Variants in HECTD4 observed in about 807,000 individuals in gnomAD.
HECTD4 encodes the protein probable E3 ubiquitin-protein ligase HECTD4.
A neutral mutation model predicts 471.5 loss-of-function variants in HECTD4; 114 were observed. The ratio of observed to expected loss-of-function variants is 0.24; its 90% CI spans 0.21 to 0.28. HECTD4 has a LOEUF of 0.28. HECTD4 is among the 10% of genes least tolerant of loss of function. The pLI is 1.00. For missense variants in HECTD4, 3,866 were observed against 5,651.5 expected (o/e 0.68, Z 10.13); for synonymous variants, 2,012 against 2,256.0 (o/e 0.89, Z 3.07).
intron 55 of HECTD4, among the ~76,000 whole-genome samples, chr12:112,195,323 A>T (rs2032204140): frequency 6.6e-6 from 1 of 152,262 alleles, no homozygotes; most frequent in Non-Finnish European, 1.5e-5. Context: ...AAATTTGTAC[A>T]TGTATGTTCA....
intron 40 of HECTD4, among the ~76,000 whole-genome samples, chr12:112,230,476 G>A (rs920843802): frequency 2.0e-5 from 3 of 152,150 alleles, no homozygotes; most frequent in African/African-American, 4.8e-5. Context: ...CTGTCCTATC[G>A]TCTGCAAAAT....
chr12:112,175,921 C>T (rs1303194539), intron 65 of HECTD4, 62 bp from the exon 66 acceptor site: 10 of 1,590,304 alleles, frequency 6.3e-6, no homozygotes, highest in Admixed American at 1.7e-5. Flanking sequence ...GCGCCTCCAA[C>T]GTGCTCTGCT....
At chr12:112,369,120 G>C in intron 1 of HECTD4, among the ~76,000 whole-genome samples, 1 of 152,004 alleles carries the variant, frequency 6.6e-6, no homozygotes, top group East Asian at 1.9e-4. Flanking sequence ...TGTATTAACC[G>C]GATTACTGAC....
intron 1 of HECTD4, among the ~76,000 whole-genome samples, chr12:112,347,374 T>G (rs1209360359): frequency 6.6e-6 from 1 of 152,086 alleles, no homozygotes; most frequent in Non-Finnish European, 1.5e-5. Context: ...CCGGGTGTGA[T>G]GGAGCACGCT....
At chr12:112,302,655 CT>C in intron 7 of HECTD4, 1 of 582,484 alleles carries the variant, frequency 1.7e-6, no homozygotes, top group Non-Finnish European at 3.0e-6. Flanking sequence ...CCTTGGCCTT[CT>C]TTCCTTTCAG....
At chr12:112,292,499 G>C (rs1209944112) in intron 7 of HECTD4, among the ~76,000 whole-genome samples, 1 of 152,160 alleles carries the variant, frequency 6.6e-6, no homozygotes, top group Non-Finnish European at 1.5e-5. Flanking sequence ...TGAGGACAGA[G>C]ATCTCACTGT....
chr12:112,340,125 A>G (rs989000447), intron 1 of HECTD4, among the ~76,000 whole-genome samples: 3 of 152,196 alleles, frequency 2.0e-5, no homozygotes, highest in Non-Finnish European at 4.4e-5. Context: ...GTAATTCATC[A>G]TAAGTCAAAG....
At chr12:112,304,816 CT>C (rs1489291212) in intron 7 of HECTD4, among the ~76,000 whole-genome samples, 1 of 152,154 alleles carries the variant, frequency 6.6e-6, no homozygotes, top group African/African-American at 2.4e-5. Context: ...GAAAAATAAC[CT>C]GCACAGTTAA....
At chr12:112,295,824 T>TAC (rs368319930) in intron 7 of HECTD4, among the ~76,000 whole-genome samples, 8,090 of 149,088 alleles carry the variant, frequency 0.054, 516 homozygotes, top group African/African-American at 0.15. Flanking sequence ...TATATATATA[T>TAC]ACACACACAC....
At position 112,258,595 on chromosome 12, in the gene HECTD4, G is replaced by A. The variant is rs760142839; in HGVS notation, c.3029C>T (p.Thr1010Met). Residue 1010 changes from threonine (T) to methionine (M), a missense_variant and splice_region_variant, in exon 20 of 76, where the codon ACG (threonine) becomes ATG (methionine). Around this residue, in one of 16 missense-constraint regions of HECTD4, gnomAD observed 525 missense variants for 672.6 expected, o/e 0.78. Transcript: ENST00000682272. Reference sequence around the variant, plus strand: ...ACACTGGGTTTTAAGCAGCAACGCCGTCTGAAACACAAAACCATCATTATG... The same window carrying A: ...ACACTGGGTTTTAAGCAGCAACGCCATCTGAAACACAAAACCATCATTATG... ...LVQLVLYTSQ[T>M]ALLLKTQCPV... is the part of the protein sequence containing the mutation. 1.2e-5 allele frequency: 19 copies of A among 1,594,534 alleles called. No homozygotes were observed. Among genetic ancestry groups the A allele is most frequent in the East Asian group, 6.9e-5 (3 of 43,688 alleles).
intron 1 of HECTD4, among the ~76,000 whole-genome samples, chr12:112,345,245 A>G (rs576893105): frequency 1.4e-4 from 21 of 151,640 alleles, no homozygotes; most frequent in Non-Finnish European, 2.5e-4. Flanking sequence ...ACAGAGCAAG[A>G]CCCTATCCCC....
Position 112,381,753 on chromosome 12 carries a change from G to A in HECTD4, c.177+199C>T, listed in dbSNP as rs981456009. On this transcript the variant is annotated intron_variant, in intron 1 of 75. Coordinates refer to ENST00000682272, the MANE Select transcript of HECTD4 (RefSeq NM_001388303.1). This position sits in a 1 kb window ranked among gnomAD's most constrained non-coding sequence, Gnocchi z 4.1. ...ATCCCCTGCGGGCGCCAGGCCCCGA[G>A]GAGGGAGGGAGGGAGAGCGGGGCGG... 6.6e-6 allele frequency among the ~76,000 whole-genome samples: 1 copy of A among 152,010 alleles called. No individual in the cohort carries two copies. The highest frequency in any genetic ancestry group is 1.5e-5 in the Non-Finnish European group (1 of 67,956).
Position 112,239,041 on chromosome 12 carries a change from T to C in HECTD4, c.5290+11A>G, listed in dbSNP as rs773589669. The C allele has an allele frequency of 1.9e-6, 3 of 1,605,096 alleles. No homozygotes were observed. The East Asian group carries it at 6.7e-5, about 36-fold the overall frequency. Reference sequence around the variant, plus strand: ...AATCAGTGAGCTCTAGAAAGGAGTCTGGCATCTCACCTTCCTCTTTTTCCC... The same window carrying C: ...AATCAGTGAGCTCTAGAAAGGAGTCCGGCATCTCACCTTCCTCTTTTTCCC... On this transcript the variant is annotated intron_variant, in intron 34 of 75. Coordinates refer to ENST00000682272, the MANE Select transcript of HECTD4 (RefSeq NM_001388303.1). The surrounding 1 kb of genome is among the most constrained non-coding windows in gnomAD (Gnocchi z 4.9).
Position 112,239,336 on chromosome 12 carries a change from CT to C in HECTD4, c.5106-101del. On this transcript the variant is annotated intron_variant, in intron 33 of 75. Coordinates refer to ENST00000682272, the MANE Select transcript of HECTD4 (RefSeq NM_001388303.1). This position sits in a 1 kb window ranked among gnomAD's most constrained non-coding sequence, Gnocchi z 4.9. ...AGGGGCATAAAACATGCTGGTGCAG[CT>C]CTTTCCCTACAACTTAGGATACTGC... The C allele has an allele frequency of 9.9e-7, 1 of 1,007,654 alleles. No individual in the cohort carries two copies. Among genetic ancestry groups the C allele is most frequent in the Non-Finnish European group, 1.4e-6 (1 of 706,920 alleles). 62.4% of individuals were successfully genotyped at this position (1,007,654 alleles called of 1,614,324 possible).
intron 55 of HECTD4, among the ~76,000 whole-genome samples, chr12:112,200,314 C>T (rs370479305): frequency 1.3e-5 from 2 of 152,066 alleles, no homozygotes; most frequent in South Asian, 4.2e-4. Context: ...TCACCAAGAT[C>T]GGCTAATTTT....
At chr12:112,335,424 G>C (rs1216966839) in intron 1 of HECTD4, among the ~76,000 whole-genome samples, 1 of 152,134 alleles carries the variant, frequency 6.6e-6, no homozygotes, top group Non-Finnish European at 1.5e-5. Context: ...TATAAATTGC[G>C]GCTCATGCCT....
rs1183053489 is a variant in HECTD4 at position 112,256,491 on chromosome 12, T to A, written c.3156A>T (p.Gly1052=). ...ERMLEEKEEP[G]FLTGLKIPAP... is the part of the protein sequence containing the mutation. ...CAGGAATCTTTAAACCAGTGAGAAA[T>A]CCTGGCTCTTCCTTCTCTTCTAACA... The change falls in exon 21 of 76, where the codon GGA becomes GGT. Residue 1052 remains glycine, a synonymous_variant. Transcript: ENST00000682272. 6.3e-7 allele frequency: 1 copy of A among 1,594,328 alleles called. No homozygotes were observed. Among genetic ancestry groups the A allele is most frequent in the Non-Finnish European group, 8.5e-7 (1 of 1,173,136 alleles).
chr12:112,216,261 C>T, intron 48 of HECTD4, 31 bp downstream of exon 48: 1 of 1,436,836 alleles, frequency 7.0e-7, no homozygotes, highest in Non-Finnish European at 9.6e-7. Flanking sequence ...AACAGAATCA[C>T]ACAGGGTGGA....
intron 69 of HECTD4, chr12:112,169,934 G>GC: frequency 1.7e-6 from 1 of 573,560 alleles, no homozygotes; most frequent in Non-Finnish European, 3.1e-6. Flanking sequence ...GGAGGTCCTC[G>GC]CCCCCCAACT....
Sources: allele counts gnomAD v4.1 joint callset (sites outside exome capture counted in the v4.1 genomes callset), GRCh38; gene constraint gnomAD v4.1.1; regional missense constraint gnomAD v4.1.1; non-coding constraint Gnocchi (gnomAD v3.1); transcripts MANE v1.5; gene names NCBI Gene and HGNC (gene_info 2026-07-23, HGNC 2026-07-21).